RNF157: variants seen among roughly 807,000 people sequenced by gnomAD.
The protein encoded by RNF157 is E3 ubiquitin ligase RNF157.
In RNF157, 55 loss-of-function variants were observed where a neutral mutation model predicts 88.3. The ratio of observed to expected loss-of-function variants is 0.62; its 90% CI spans 0.50 to 0.78. The LOEUF (loss-of-function observed/expected upper bound fraction) is 0.78, where lower values mean the gene tolerates loss of function less well. RNF157 is among the 30% of genes least tolerant of loss of function. RNF157 has a pLI of 0.00. For missense variants in RNF157, 788 were observed against 860.8 expected, an observed-to-expected ratio of 0.92 and a Z score of 1.06; for synonymous variants, 334 against 341.2, an observed-to-expected ratio of 0.98 and a Z score of 0.23.
chr17:76,206,164 G>A (rs73362571), intron 2 of RNF157, among the ~76,000 whole-genome samples: 15,215 of 152,084 alleles, frequency 0.1, 1,749 homozygotes, highest in African/African-American at 0.28. Context: ...CTAGGAAGTC[G>A]AGGCTGCAGT....
intron 2 of RNF157, among the ~76,000 whole-genome samples, chr17:76,179,496 C>T (rs758533085): frequency 1.3e-5 from 2 of 152,178 alleles, no homozygotes; most frequent in Admixed American, 6.5e-5. Context: ...GCTTTGAGAC[C>T]GGCCTGGCCA....
chr17:76,231,266 A>C (rs974286997), intron 1 of RNF157, among the ~76,000 whole-genome samples: 1 of 152,146 alleles, frequency 6.6e-6, no homozygotes, highest in Non-Finnish European at 1.5e-5. Flanking sequence ...CAAAGTGCTC[A>C]GATTACAGGC....
intron 1 of RNF157, among the ~76,000 whole-genome samples, chr17:76,239,781 C>CCGGCCGGGT (rs2145098740): frequency 6.6e-6 from 1 of 152,242 alleles, no homozygotes; most frequent in African/African-American, 2.4e-5. Flanking sequence ...TTGGGCCGGG[C>CCGGCCGGGT]CGGCCGGGTC....
chr17:76,182,566 TA>T (rs1339768323), intron 2 of RNF157, among the ~76,000 whole-genome samples: 1 of 150,974 alleles, frequency 6.6e-6, no homozygotes, highest in African/African-American at 2.4e-5. Context: ...ATTTTTGCTG[TA>T]AAAAAATATG....
chr17:76,239,539 ACC>A (rs571680941), intron 1 of RNF157, among the ~76,000 whole-genome samples: 2 of 72,162 alleles, frequency 2.8e-5, no homozygotes, highest in South Asian at 9.5e-4. Context: ...CACCACCACC[ACC>A]CCCCCCACCC....
intron 18 of RNF157, among the ~76,000 whole-genome samples, chr17:76,148,699 T>C (rs1298986984): frequency 6.6e-6 from 1 of 151,526 alleles, no homozygotes; most frequent in African/African-American, 2.4e-5. Context: ...GCCTCTCGAG[T>C]ATCTGGGACC....
intron 18 of RNF157, among the ~76,000 whole-genome samples, chr17:76,148,759 T>TA (rs1471301109): frequency 2.0e-5 from 3 of 151,848 alleles, no homozygotes; most frequent in Non-Finnish European, 2.9e-5. Flanking sequence ...TCTGTAGAGA[T>TA]GGGGTTTCAC....
intron 1 of RNF157, among the ~76,000 whole-genome samples, chr17:76,238,575 A>C (rs982171728): frequency 5.9e-5 from 9 of 152,224 alleles, no homozygotes; most frequent in Non-Finnish European, 1.3e-4. Flanking sequence ...TAAGTCCCAC[A>C]TATGAAAGAG....
chr17:76,209,510 G>A (rs922479344), intron 2 of RNF157, among the ~76,000 whole-genome samples: 1 of 150,666 alleles, frequency 6.6e-6, no homozygotes, highest in Non-Finnish European at 1.5e-5. Flanking sequence ...TAGCTCATCA[G>A]CTATCGTTAC....
At chr17:76,180,310 T>C (rs999486023) in intron 2 of RNF157, among the ~76,000 whole-genome samples, 6 of 152,178 alleles carry the variant, frequency 3.9e-5, no homozygotes, top group South Asian at 2.1e-4. Context: ...TTTGGTCTGC[T>C]CAGGGATTTG....
chr17:76,207,911 T>G (rs2069709763), intron 2 of RNF157, among the ~76,000 whole-genome samples: 1 of 152,166 alleles, frequency 6.6e-6, no homozygotes, highest in Non-Finnish European at 1.5e-5. Flanking sequence ...AACATATCAC[T>G]GCCACTCGTC....
chr17:76,183,033 G>A (rs967065682), intron 2 of RNF157, among the ~76,000 whole-genome samples: 1 of 151,900 alleles, frequency 6.6e-6, no homozygotes, highest in Non-Finnish European at 1.5e-5. Context: ...GGGTTCAAGC[G>A]ATTCTCCTGC....
chr17:76,193,806 C>G (rs1422317855), intron 2 of RNF157, among the ~76,000 whole-genome samples: 1 of 152,250 alleles, frequency 6.6e-6, no homozygotes, highest in South Asian at 2.1e-4. Flanking sequence ...CTCCCGCATC[C>G]TGCAGTGAGG....
intron 3 of RNF157, 37 bp downstream of exon 3, chr17:76,173,665 G>C (rs1303585478): frequency 6.6e-7 from 1 of 1,508,852 alleles, no homozygotes; most frequent in South Asian, 1.2e-5. Context: ...CCCAAAGGAA[G>C]GTGCCTGGGA....
At chr17:76,221,172 C>A (rs1956664886) in intron 1 of RNF157, among the ~76,000 whole-genome samples, 1 of 151,938 alleles carries the variant, frequency 6.6e-6, no homozygotes, top group African/African-American at 2.4e-5. Flanking sequence ...AATATTCTAG[C>A]TAATAAACAA....
chr17:76,210,483 A>G (rs370634395), intron 2 of RNF157, among the ~76,000 whole-genome samples: 17,111 of 147,344 alleles, frequency 0.12, 1,100 homozygotes, highest in Admixed American at 0.19. Flanking sequence ...CCAGCTACTC[A>G]GGAGGCTGAG....
In RNF157 at chr17:76,161,657, A is replaced by G. The variant is rs1353803558; in HGVS notation, c.953-10T>C. On this transcript the variant is annotated splice_polypyrimidine_tract_variant and intron_variant, in intron 10 of 18. Transcript: ENST00000269391. The surrounding 1 kb of genome is among the most constrained non-coding windows in gnomAD (Gnocchi z 4.6). Reference sequence around the variant, plus strand: ...AGCAGTGCCCGGAAGGCTGTGAAGGAGAAAACAGGCAATCAGGACATCCTG... The same window carrying G: ...AGCAGTGCCCGGAAGGCTGTGAAGGGGAAAACAGGCAATCAGGACATCCTG... 6.2e-7 allele frequency: 1 copy of G among 1,610,090 alleles called. No individual in the cohort carries two copies. The highest frequency in any genetic ancestry group is 1.3e-5 in the African/African-American group (1 of 74,866).
chr17:76,230,019 C>T (rs1249987832), intron 1 of RNF157, among the ~76,000 whole-genome samples: 1 of 152,058 alleles, frequency 6.6e-6, no homozygotes, highest in Non-Finnish European at 1.5e-5. Flanking sequence ...TCATCATTCC[C>T]CACAAATCAT....
chr17:76,185,370 T>C (rs1356323986), intron 2 of RNF157, among the ~76,000 whole-genome samples: 1 of 152,230 alleles, frequency 6.6e-6, no homozygotes, highest in African/African-American at 2.4e-5. Flanking sequence ...TAATTTTAAG[T>C]TGAGTTAAAA....
Sources: gnomAD v4.1 joint callset for allele counts (sites outside exome capture counted in the v4.1 genomes callset) on GRCh38, gnomAD v4.1.1 for gene constraint, Gnocchi (gnomAD v3.1) non-coding constraint, MANE v1.5 for transcripts, NCBI Gene and HGNC (gene_info 2026-07-23, HGNC 2026-07-21) for gene names.